WDR49: variants seen among roughly 807,000 people sequenced by gnomAD.
WDR49 encodes WD repeat domain 49.
A neutral mutation model predicts 119.5 loss-of-function variants in WDR49; 107 were observed. The ratio of observed to expected loss-of-function variants is 0.90; its 90% CI spans 0.77 to 1.05. The LOEUF (loss-of-function observed/expected upper bound fraction) is 1.05, where lower values mean the gene tolerates loss of function less well. WDR49 is among the 50% of genes least tolerant of loss of function. The pLI is 0.00. For synonymous variants in WDR49, 425 were observed against 418.8 expected, an observed-to-expected ratio of 1.01 and a Z score of -0.18; for missense variants, 1,240 against 1,220.5, an observed-to-expected ratio of 1.02 and a Z score of -0.24.
At chr3:167,654,615 G>C (rs902775526), upstream of WDR49, among the ~76,000 whole-genome samples, 2 of 152,182 alleles carry the variant, frequency 1.3e-5, no homozygotes, top group Admixed American at 1.3e-4. Flanking sequence ...GAAGCAAAAA[G>C]CCGGGCAAGG....
chr3:167,580,419 G>A (rs376274933), intron 7 of WDR49, among the ~76,000 whole-genome samples: 72 of 152,246 alleles, frequency 4.7e-4, no homozygotes, highest in African/African-American at 1.7e-3. Context: ...TATGATGCTC[G>A]AGAAATCTCC....
intron 7 of WDR49, among the ~76,000 whole-genome samples, chr3:167,586,342 C>A (rs1714814240): frequency 6.6e-6 from 1 of 152,152 alleles, no homozygotes; most frequent in Non-Finnish European, 1.5e-5. Context: ...CTCAACAGGG[C>A]CTTACCACCA....
chr3:167,597,211 C>G (rs1577265109), intron 7 of WDR49, among the ~76,000 whole-genome samples: 5 of 152,166 alleles, frequency 3.3e-5, no homozygotes, highest in Admixed American at 2.6e-4. Flanking sequence ...CAGCTCCAGC[C>G]TTAGCTAAAA....
At chr3:167,596,174 C>G (rs1157522183) in intron 7 of WDR49, among the ~76,000 whole-genome samples, 8 of 151,860 alleles carry the variant, frequency 5.3e-5, no homozygotes, top group African/African-American at 1.7e-4. Context: ...AGTGAGATAC[C>G]ATCTCACACC....
intron 10 of WDR49, among the ~76,000 whole-genome samples, chr3:167,537,961 G>T (rs1460235221): frequency 6.6e-6 from 1 of 152,032 alleles, no homozygotes; most frequent in Non-Finnish European, 1.5e-5. Flanking sequence ...TTTCCAGTAT[G>T]TTCTGCTTCT....
rs1212596812 is a variant in WDR49, at chr3:167,484,585, A to C, written c.3032-5589T>G. On this transcript the variant is annotated intron_variant, in intron 18 of 18. Coordinates refer to ENST00000682715, the MANE Select transcript of WDR49 (RefSeq NM_001366157.1). ...ACTCAGCCCAACAAACCCATAAGTC[A>C]ACTTCTTGTAATAAATCTCAATATG... is the stretch of plus-strand genomic sequence containing the variant. Among the ~76,000 whole-genome samples the C allele has an allele frequency of 3.5e-4, 53 of 151,970 alleles. 2 individuals are homozygous for C. The highest frequency in any genetic ancestry group is 1.5e-5 in the Non-Finnish European group (1 of 68,006).
At chr3:167,503,458 C>A (rs986819721) in intron 17 of WDR49, among the ~76,000 whole-genome samples, 1 of 152,148 alleles carries the variant, frequency 6.6e-6, no homozygotes, top group South Asian at 2.1e-4. Context: ...CTTGGCCTCA[C>A]GGATTCCAAG....
chr3:167,516,336 G>A (rs1470142163), intron 16 of WDR49, among the ~76,000 whole-genome samples: 1 of 146,826 alleles, frequency 6.8e-6, no homozygotes, highest in African/African-American at 2.5e-5. Flanking sequence ...ACCTATGAGT[G>A]AGAACATGTG....
chr3:167,594,556 G>A (rs937372938), intron 7 of WDR49, among the ~76,000 whole-genome samples: 1 of 152,162 alleles, frequency 6.6e-6, no homozygotes, highest in African/African-American at 2.4e-5. Flanking sequence ...CAAAGAGATA[G>A]TCTGAAGTTG....
intron 2 of WDR49, among the ~76,000 whole-genome samples, chr3:167,627,546 C>T (rs1417350900): frequency 6.6e-6 from 1 of 151,936 alleles, no homozygotes; most frequent in Non-Finnish European, 1.5e-5. Flanking sequence ...AAGAGTAAGG[C>T]AGGAGAATAT....
At chr3:167,521,991 TAGATAGATAGATAGATAGATAGATAGA>T (rs1752459065) in intron 16 of WDR49, among the ~76,000 whole-genome samples, 3 of 141,508 alleles carry the variant, frequency 2.1e-5, no homozygotes, top group African/African-American at 7.8e-5. Context: ...GATAGATAGA[TAGATAGATAGATAGATAGATAGATAGA>T]TTGTTTTTGA....
rs1025865313 is a variant in WDR49, at chr3:167,577,978, C to T, written c.1276-1827G>A. 2.0e-5 allele frequency among the ~76,000 whole-genome samples: 3 copies of T among 152,250 alleles called. No homozygotes were observed. The East Asian group carries it at 5.8e-4, about 29-fold the overall frequency. The stretch of plus-strand genomic sequence containing the variant: ...TAGACACACCTCACAAACATACTAA[C>T]AGGTCCTAGGAATCTACAAGATAGG... On this transcript the variant is annotated intron_variant, in intron 7 of 18. Transcript: ENST00000682715.
chr3:167,619,870 G>A (rs1300419808), intron 5 of WDR49, among the ~76,000 whole-genome samples: 2 of 151,806 alleles, frequency 1.3e-5, no homozygotes, highest in African/African-American at 2.4e-5. Context: ...TTTTAAGAAA[G>A]TTCTTGTTTT....
intron 10 of WDR49, among the ~76,000 whole-genome samples, chr3:167,548,860 A>G (rs1712368928): frequency 6.6e-6 from 1 of 151,948 alleles, no homozygotes; most frequent in South Asian, 2.1e-4. Context: ...ACCCCACAAC[A>G]GGCCCCAGTG....
intron 17 of WDR49, among the ~76,000 whole-genome samples, chr3:167,500,743 T>G (rs1273181292): frequency 1.3e-5 from 2 of 152,230 alleles, no homozygotes; most frequent in African/African-American, 4.8e-5. Flanking sequence ...AGAGCTGCGT[T>G]ATTGTATTTA....
chr3:167,653,478 T>C lies in WDR49; in HGVS notation c.-53A>G. The C allele has an allele frequency of 4.9e-6, 7 of 1,418,444 alleles. No individual in the cohort carries two copies. Among genetic ancestry groups the C allele is most frequent in the Non-Finnish European group, 6.4e-6 (7 of 1,091,798 alleles). 87.9% of individuals were successfully genotyped at this position (1,418,444 alleles called of 1,614,324 possible). ...TCAACTATTTCTATAAGGATGGATC[T>C]TCTTTTTCCTTCAACAGGTGCCTTT... On this transcript the variant is annotated 5_prime_UTR_variant, in exon 2 of 19. Coordinates refer to ENST00000682715, the MANE Select transcript of WDR49 (RefSeq NM_001366157.1).
At chr3:167,489,080 T>A (rs1490888350) in intron 18 of WDR49, among the ~76,000 whole-genome samples, 2 of 152,084 alleles carry the variant, frequency 1.3e-5, no homozygotes, top group Non-Finnish European at 2.9e-5. Flanking sequence ...AATATCATTC[T>A]CCAAACTTAT....
At chr3:167,602,087 G>A in intron 7 of WDR49, 40 bp downstream of exon 7, 2 of 1,543,410 alleles carry the variant, frequency 1.3e-6, no homozygotes, top group Non-Finnish European at 1.8e-6. Flanking sequence ...AGGAATCGGG[G>A]AAGCAAAACT....
intron 7 of WDR49, among the ~76,000 whole-genome samples, chr3:167,593,031 TCTTTATCCTTGAC>T (rs961506429): frequency 1.3e-5 from 2 of 152,210 alleles, no homozygotes; most frequent in African/African-American, 4.8e-5. Context: ...TAGGATTCTT[TCTTTATCCTTGAC>T]CTTTGGGAGT....
Sources: allele counts gnomAD v4.1 joint callset (sites outside exome capture counted in the v4.1 genomes callset), GRCh38; gene constraint gnomAD v4.1.1; transcripts MANE v1.5; gene names NCBI Gene and HGNC (gene_info 2026-07-23, HGNC 2026-07-21).